The following CAMK4 variants were observed in gnomAD, a reference collection of about 807,000 sequenced individuals.
The protein encoded by CAMK4 is calcium/calmodulin dependent protein kinase IV, also known as calcium/calmodulin-dependent protein kinase type IV.
In CAMK4, 22 loss-of-function variants were observed where a neutral mutation model predicts 44.9. The observed-to-expected ratio is 0.49, with a 90% CI of 0.35 to 0.70. The LOEUF (loss-of-function observed/expected upper bound fraction) is 0.70. Among genes scored for constraint, CAMK4 ranks in the 30% least tolerant of loss-of-function variants. CAMK4 has a pLI of 0.01. For missense variants in CAMK4, 498 were observed against 586.8 expected, an observed-to-expected ratio of 0.85 and a Z score of 1.56; for synonymous variants, 218 against 215.4, an observed-to-expected ratio of 1.01 and a Z score of -0.11.
chr5:111,264,441 A>G (rs904750417), intron 1 of CAMK4, among the ~76,000 whole-genome samples: 3 of 152,162 alleles, frequency 2.0e-5, no homozygotes, highest in Non-Finnish European at 2.9e-5. Flanking sequence ...AACTCCTTGC[A>G]TGGTTCTTGA....
chr5:111,312,223 C>G (rs1262054130), intron 1 of CAMK4, among the ~76,000 whole-genome samples: 1 of 152,056 alleles, frequency 6.6e-6, no homozygotes, highest in Non-Finnish European at 1.5e-5. Context: ...CTAATAGATG[C>G]CCAGAGAATA....
intron 7 of CAMK4, among the ~76,000 whole-genome samples, chr5:111,456,128 CG>C (rs1422262273): frequency 6.6e-6 from 1 of 151,838 alleles, no homozygotes; most frequent in Admixed American, 6.6e-5. Context: ...TCCTAATATT[CG>C]GGGAGTTGGT....
chr5:111,385,996 T>A (rs1751587755), intron 4 of CAMK4, among the ~76,000 whole-genome samples: 1 of 152,148 alleles, frequency 6.6e-6, no homozygotes, highest in African/African-American at 2.4e-5. Flanking sequence ...TCTTGTCAGC[T>A]CCCTGGCCAG....
At chr5:111,405,886 C>G (rs1419466848) in intron 5 of CAMK4, among the ~76,000 whole-genome samples, 2 of 152,146 alleles carry the variant, frequency 1.3e-5, no homozygotes, top group Non-Finnish European at 2.9e-5. Context: ...ATTTGCTAAC[C>G]AACTAAGCTC....
At chr5:111,226,899 C>T (rs1430470775) in intron 1 of CAMK4, among the ~76,000 whole-genome samples, 2 of 152,170 alleles carry the variant, frequency 1.3e-5, no homozygotes. Context: ...TAAGTTAAGC[C>T]CATCCTATTG....
chr5:111,383,049 T>C (rs1751475646), intron 4 of CAMK4, among the ~76,000 whole-genome samples: 1 of 152,206 alleles, frequency 6.6e-6, no homozygotes, highest in Non-Finnish European at 1.5e-5. Flanking sequence ...AAATGAAAGA[T>C]AGAGGTGAGG....
At chr5:111,379,428 T>G (rs306124) in intron 4 of CAMK4, among the ~76,000 whole-genome samples, 133,821 of 152,140 alleles carry the variant, frequency 0.88, 59,075 homozygotes, top group East Asian at 1. Context: ...AAGAATGGCA[T>G]ACAGCCAGTA....
At chr5:111,308,103 G>C (rs1748007272) in intron 1 of CAMK4, among the ~76,000 whole-genome samples, 1 of 114,256 alleles carries the variant, frequency 8.8e-6, no homozygotes, top group South Asian at 3.4e-4. Context: ...ACTGTGGTGG[G>C]GTCGGGGGAG....
rs540495109 is a variant in CAMK4, at chr5:111,396,631, C to CTTTTTTTTTTTTTTTTTTTTTTTTTTTTT, written c.459+1876_459+1877insTTTTTTTTTTTTTTTTTTTTTTTTTTTTT. The stretch of plus-strand genomic sequence containing the variant: ...ACTTTAATTGCCATTAACTCATATT[C>CTTTTTTTTTTTTTTTTTTTTTTTTTTTTT]TTTTTTTTTTTTTTTTTTTTTTTTT... On this transcript the variant is annotated intron_variant, in intron 5 of 10. Transcript: ENST00000282356. 6.4e-5 allele frequency among the ~76,000 whole-genome samples: 3 copies of CTTTTTTTTTTTTTTTTTTTTTTTTTTTTT among 47,010 alleles called. 1 individual carries two copies. Among genetic ancestry groups the CTTTTTTTTTTTTTTTTTTTTTTTTTTTTT allele is most frequent in the African/African-American group, 1.7e-4 (2 of 11,436 alleles). 30.8% of individuals were successfully genotyped at this position (47,010 alleles called of 152,430 possible). A position where few individuals can be genotyped will look rare whatever the true frequency, so the allele number is the denominator to read the frequency against.
intron 5 of CAMK4, among the ~76,000 whole-genome samples, chr5:111,429,636 CA>C: frequency 6.6e-6 from 1 of 151,636 alleles, no homozygotes; most frequent in South Asian, 2.1e-4. Flanking sequence ...ATCAGCCAGG[CA>C]TGGTGGTGTG....
intron 1 of CAMK4, among the ~76,000 whole-genome samples, chr5:111,284,277 T>C (rs1178827814): frequency 1.3e-5 from 2 of 152,218 alleles, no homozygotes; most frequent in East Asian, 3.8e-4. Flanking sequence ...CCATGTGGAT[T>C]TGTCAAATAA....
chr5:111,339,661 A>T (rs896843963), intron 1 of CAMK4, among the ~76,000 whole-genome samples: 2 of 151,382 alleles, frequency 1.3e-5, no homozygotes, highest in Non-Finnish European at 3.0e-5. Context: ...AGGTAGTGTG[A>T]TGTTTCTAGC....
chr5:111,226,516 C>G (rs1279322940), intron 1 of CAMK4, among the ~76,000 whole-genome samples: 1 of 152,190 alleles, frequency 6.6e-6, no homozygotes, highest in East Asian at 1.9e-4. Flanking sequence ...CCTGTGCTAA[C>G]AAACGTTGTA....
At chr5:111,261,356 G>A (rs544922003) in intron 1 of CAMK4, among the ~76,000 whole-genome samples, 25 of 152,268 alleles carry the variant, frequency 1.6e-4, no homozygotes, top group South Asian at 1.0e-3. Flanking sequence ...TTTGCTAAGC[G>A]TAGCACACAT....
At chr5:111,331,710 T>A (rs1423394298) in intron 1 of CAMK4, among the ~76,000 whole-genome samples, 1 of 151,710 alleles carries the variant, frequency 6.6e-6, no homozygotes, top group Non-Finnish European at 1.5e-5. Context: ...TACATATCTC[T>A]GTTTACCAAG....
At chr5:111,327,659 C>T (rs1237604400) in intron 1 of CAMK4, among the ~76,000 whole-genome samples, 2 of 151,568 alleles carry the variant, frequency 1.3e-5, no homozygotes, top group Non-Finnish European at 2.9e-5. Flanking sequence ...TCCACATCCT[C>T]TCCAGCACCT....
rs73214488 is a variant in CAMK4, at chr5:111,363,440, G to A, written c.241-11410G>A. Among the ~76,000 whole-genome samples, 245 of 152,094 alleles carry A rather than the reference G, an allele frequency of 1.6e-3. 2 individuals carry two copies. The highest frequency in any genetic ancestry group is 5.5e-3 in the African/African-American group (229 of 41,520). On this transcript the variant is annotated intron_variant, in intron 2 of 10. Transcript: ENST00000282356. The stretch of plus-strand genomic sequence containing the variant: ...TAAATGCCAGGTATTGGTAAATAAC[G>A]CCAAAGATAGCATATGTAGAAAACA...
At chr5:111,353,059 G>A (rs1198109933) in intron 2 of CAMK4, among the ~76,000 whole-genome samples, 1 of 152,004 alleles carries the variant, frequency 6.6e-6, no homozygotes, top group East Asian at 1.9e-4. Flanking sequence ...TCAGTGATAA[G>A]GGTAGGTGCG....
intron 8 of CAMK4, among the ~76,000 whole-genome samples, chr5:111,475,756 T>C (rs1755213714): frequency 1.3e-5 from 2 of 152,190 alleles, no homozygotes; most frequent in Non-Finnish European, 1.5e-5. Context: ...TAATAATTGG[T>C]GAAGTCCACT....
Sources: allele counts gnomAD v4.1 joint callset (sites outside exome capture counted in the v4.1 genomes callset), GRCh38; gene constraint gnomAD v4.1.1; transcripts MANE v1.5; gene names NCBI Gene and HGNC (gene_info 2026-07-23, HGNC 2026-07-21).